The following LRP1B variants were observed in gnomAD, a reference collection of about 807,000 sequenced individuals.
The protein encoded by LRP1B is LDL receptor related protein 1B.
LRP1B carries 217 observed loss-of-function variants against 556.6 expected under a neutral mutation model. The observed-to-expected ratio is 0.39, with a 90% CI of 0.35 to 0.44. The LOEUF is 0.44. Among genes scored for constraint, LRP1B ranks in the 20% least tolerant of loss-of-function variants. LRP1B has a pLI of 1.00. For synonymous variants in LRP1B, 2,047 were observed against 1,865.8 expected (o/e 1.10, Z -2.50); for missense variants, 5,053 against 5,620.8 (o/e 0.90, Z 3.23).
At chr2:140,840,873 T>C in intron 30 of LRP1B, 45 bp downstream of exon 30, 1 of 1,432,600 alleles carries the variant, frequency 7.0e-7, no homozygotes, top group Non-Finnish European at 9.4e-7. Flanking sequence ...AGGGCAAAAG[T>C]CTATGAAATT....
chr2:140,401,181 G>A (rs1684484191), intron 66 of LRP1B, among the ~76,000 whole-genome samples: 1 of 152,194 alleles, frequency 6.6e-6, no homozygotes, highest in African/African-American at 2.4e-5. Context: ...GAGTGCAGGA[G>A]CTGGGTGCCT....
At chr2:140,612,906 T>C (rs1683118083) in intron 41 of LRP1B, among the ~76,000 whole-genome samples, 2 of 152,078 alleles carry the variant, frequency 1.3e-5, no homozygotes, top group African/African-American at 4.8e-5. Flanking sequence ...TAAGTTCATC[T>C]AGCACCACTT....
chr2:140,965,450 G>A (rs558814210), intron 18 of LRP1B, among the ~76,000 whole-genome samples: 4 of 152,098 alleles, frequency 2.6e-5, no homozygotes, highest in African/African-American at 9.6e-5. Context: ...AAAGTCAGCG[G>A]AAATTCAGCA....
intron 1 of LRP1B, among the ~76,000 whole-genome samples, chr2:141,885,616 C>T (rs1001763957): frequency 1.3e-5 from 2 of 152,080 alleles, no homozygotes; most frequent in Admixed American, 6.6e-5. Context: ...AATCCTGCAG[C>T]GTGAATGATC....
At chr2:141,893,288 C>A (rs953965854) in intron 1 of LRP1B, among the ~76,000 whole-genome samples, 1 of 152,144 alleles carries the variant, frequency 6.6e-6, no homozygotes, top group Non-Finnish European at 1.5e-5. Context: ...GCAACCTCCA[C>A]CTCCCGGATT....
intron 2 of LRP1B, among the ~76,000 whole-genome samples, chr2:141,793,871 T>A (rs1208944366): frequency 1.3e-5 from 2 of 151,792 alleles, no homozygotes; most frequent in East Asian, 1.9e-4. Flanking sequence ...TAGAGAGGAG[T>A]TTTTATCCTT....
chr2:141,232,303 T>C (rs1315918210), intron 5 of LRP1B, among the ~76,000 whole-genome samples: 2 of 152,204 alleles, frequency 1.3e-5, no homozygotes, highest in African/African-American at 4.8e-5. Flanking sequence ...TAAACAAAGA[T>C]AGACTGACAA....
intron 69 of LRP1B, among the ~76,000 whole-genome samples, chr2:140,372,209 T>A (rs1573858335): frequency 6.6e-6 from 1 of 152,172 alleles, no homozygotes; most frequent in Admixed American, 6.6e-5. Context: ...CAACTCCTTT[T>A]AATTGGCAGT....
intron 60 of LRP1B, among the ~76,000 whole-genome samples, chr2:140,465,119 G>T (rs1687489698): frequency 6.6e-6 from 1 of 152,076 alleles, no homozygotes; most frequent in African/African-American, 2.4e-5. Flanking sequence ...GAGGCGTCAA[G>T]AAACTTATAA....
At chr2:141,196,474 T>C (rs1681755494) in intron 6 of LRP1B, among the ~76,000 whole-genome samples, 1 of 152,106 alleles carries the variant, frequency 6.6e-6, no homozygotes, top group Non-Finnish European at 1.5e-5. Flanking sequence ...AATCTAATTT[T>C]CAGTTAAATT....
intron 1 of LRP1B, among the ~76,000 whole-genome samples, chr2:141,913,694 A>G (rs1176956617): frequency 6.6e-6 from 1 of 152,142 alleles, no homozygotes; most frequent in Non-Finnish European, 1.5e-5. Context: ...AGAATGAACT[A>G]CTAATGATGA....
intron 71 of LRP1B, among the ~76,000 whole-genome samples, chr2:140,365,456 A>T (rs1268130681): frequency 3.3e-5 from 5 of 151,752 alleles, no homozygotes; most frequent in African/African-American, 1.2e-4. Flanking sequence ...TCTTAAGTAC[A>T]TCTGCCACAC....
intron 58 of LRP1B, among the ~76,000 whole-genome samples, chr2:140,486,268 T>C (rs1056789498): frequency 1.3e-5 from 2 of 151,894 alleles, no homozygotes; most frequent in African/African-American, 4.8e-5. Flanking sequence ...AAAATGCCAA[T>C]AAAATTTTAA....
At chr2:141,078,637 G>GAAAGAT (rs869275466) in intron 7 of LRP1B, among the ~76,000 whole-genome samples, 1 of 121,584 alleles carries the variant, frequency 8.2e-6, no homozygotes, top group African/African-American at 3.0e-5. Flanking sequence ...AAGAGAAAGA[G>GAAAGAT]AAATGAAGCA....
intron 3 of LRP1B, among the ~76,000 whole-genome samples, chr2:141,255,510 A>T (rs1328161656): frequency 6.6e-6 from 1 of 152,084 alleles, no homozygotes; most frequent in Non-Finnish European, 1.5e-5. Flanking sequence ...AATATGTAAA[A>T]GAACACCTGA....
chr2:141,188,639 C>G (rs2105194399), intron 6 of LRP1B, 56 bp from the exon 7 acceptor site: 6 of 1,462,350 alleles, frequency 4.1e-6, no homozygotes, highest in Admixed American at 3.7e-5. Context: ...GCATCATGAT[C>G]CAAAAATAAC....
At chr2:140,843,827 T>C (rs1692193796) in intron 29 of LRP1B, among the ~76,000 whole-genome samples, 1 of 152,210 alleles carries the variant, frequency 6.6e-6, no homozygotes, top group South Asian at 2.1e-4. Context: ...TTTGCTAATA[T>C]ATAACTACTT....
chr2:140,464,195 A>AAATAAT (rs931673826), intron 60 of LRP1B, among the ~76,000 whole-genome samples: 277 of 150,858 alleles, frequency 1.8e-3, no homozygotes, highest in Non-Finnish European at 3.6e-3. Flanking sequence ...GACTTGTCTC[A>AAATAAT]AATAATAATA....
chr2:141,661,756 T>G (rs1261545297), intron 2 of LRP1B, among the ~76,000 whole-genome samples: 1 of 152,166 alleles, frequency 6.6e-6, no homozygotes, highest in East Asian at 1.9e-4. Context: ...GAAAACTTAC[T>G]TCAGGATATC....
Sources: gnomAD v4.1 joint callset for allele counts (sites outside exome capture counted in the v4.1 genomes callset) on GRCh38, gnomAD v4.1.1 for gene constraint, MANE v1.5 for transcripts, NCBI Gene and HGNC (gene_info 2026-07-23, HGNC 2026-07-21) for gene names.